RBM19: variants seen among roughly 807,000 people sequenced by gnomAD.
RBM19 encodes the protein RNA binding motif protein 19, also known as probable RNA-binding protein 19.
A neutral mutation model predicts 116.8 loss-of-function variants in RBM19; 94 were observed. The ratio of observed to expected loss-of-function variants is 0.80; its 90% CI spans 0.68 to 0.95. RBM19 has a LOEUF of 0.95. Among genes scored for constraint, RBM19 ranks in the 40% least tolerant of loss-of-function variants. The pLI, the probability that RBM19 is intolerant of heterozygous loss-of-function variation, is 0.00. For synonymous variants in RBM19, 475 were observed against 494.1 expected (o/e 0.96, Z 0.51); for missense variants, 1,161 against 1,220.7 (o/e 0.95, Z 0.73).
chr12:113,837,178 G>A (rs1030664157), intron 23 of RBM19, among the ~76,000 whole-genome samples: 1 of 124,854 alleles, frequency 8.0e-6, no homozygotes, highest in Admixed American at 8.3e-5. Context: ...TACACACACA[G>A]ACACACACAC....
intron 16 of RBM19, among the ~76,000 whole-genome samples, chr12:113,933,919 A>C (rs549654754): frequency 1.3e-5 from 2 of 152,226 alleles, no homozygotes; most frequent in East Asian, 3.9e-4. Context: ...GCCCATGGTG[A>C]GTTAAAGACT....
chr12:113,857,531 G>A (rs1316900658), intron 22 of RBM19, among the ~76,000 whole-genome samples: 4 of 152,260 alleles, frequency 2.6e-5, no homozygotes, highest in Non-Finnish European at 5.9e-5. Context: ...GCCCCGCTGT[G>A]AGGGTGAGGG....
At chr12:113,894,175 A>G (rs1448348862) in intron 21 of RBM19, among the ~76,000 whole-genome samples, 1 of 19,148 alleles carries the variant, frequency 5.2e-5, no homozygotes, top group South Asian at 2.8e-3. Context: ...AGGAGCACAC[A>G]CTTCAGAGGC....
At chr12:113,852,991 G>A (rs905783200) in intron 22 of RBM19, among the ~76,000 whole-genome samples, 4 of 152,218 alleles carry the variant, frequency 2.6e-5, no homozygotes, top group Non-Finnish European at 2.9e-5. Context: ...AGGCTGTCCC[G>A]GCCTTAATGA....
chr12:113,853,602 C>G (rs1295670721), intron 22 of RBM19, among the ~76,000 whole-genome samples: 2 of 152,186 alleles, frequency 1.3e-5, no homozygotes, highest in African/African-American at 4.8e-5. Flanking sequence ...CAGGACCAGC[C>G]CGGTCTGGGT....
chr12:113,874,412 C>T (rs574963090), intron 21 of RBM19, among the ~76,000 whole-genome samples: 1 of 152,324 alleles, frequency 6.6e-6, no homozygotes, highest in African/African-American at 2.4e-5. Context: ...CCTGCCCTGG[C>T]CATGCCAAAT....
chr12:113,868,468 T>C (rs953796281), intron 21 of RBM19, among the ~76,000 whole-genome samples: 4 of 152,264 alleles, frequency 2.6e-5, no homozygotes, highest in African/African-American at 9.6e-5. Context: ...AGATATTCTA[T>C]GTTTAAAGTC....
Position 113,920,725 on chromosome 12 carries a change from G to T in RBM19, c.2306-35C>A, listed in dbSNP as rs146568369. 7.9e-5 allele frequency: 126 copies of T among 1,588,776 alleles called. No homozygotes were observed. In the African/African-American group the frequency reaches 1.6e-3, roughly 20 times the overall value. On this transcript the variant is annotated intron_variant, in intron 18 of 23. Transcript: ENST00000261741. ...AGAGGTGGAAATCACACCAGTCGGT[G>T]AAGCGGAAGCACAAGGCCAAGTGCA...
intron 21 of RBM19, among the ~76,000 whole-genome samples, chr12:113,896,704 C>T (rs866355967): frequency 1.3e-5 from 2 of 152,070 alleles, no homozygotes; most frequent in African/African-American, 4.8e-5. Flanking sequence ...CCCTGGATAC[C>T]AATCCCAGCG....
At chr12:113,928,263 G>T (rs1267481621) in intron 16 of RBM19, among the ~76,000 whole-genome samples, 2 of 152,132 alleles carry the variant, frequency 1.3e-5, no homozygotes, top group Non-Finnish European at 2.9e-5. Flanking sequence ...CTCGAACCTG[G>T]GAGGCAGAGG....
chr12:113,942,294 T>C, intron 14 of RBM19, 30 bp downstream of exon 14: 1 of 1,571,984 alleles, frequency 6.4e-7, no homozygotes, highest in Non-Finnish European at 8.6e-7. Flanking sequence ...CAGTGGCTGC[T>C]GGCTGGCTGG....
chr12:113,862,215 A>G (rs1878455623), intron 21 of RBM19, among the ~76,000 whole-genome samples: 1 of 152,190 alleles, frequency 6.6e-6, no homozygotes, highest in Non-Finnish European at 1.5e-5. Context: ...TAAATACATC[A>G]TATCCATGCC....
chr12:113,935,940 G>GCAGGAGAATTGCTTCAACC (rs1227198675), intron 16 of RBM19, among the ~76,000 whole-genome samples: 16 of 152,118 alleles, frequency 1.1e-4, no homozygotes, highest in Non-Finnish European at 2.1e-4. Context: ...GGAGGCTGAG[G>GCAGGAGAATTGCTTCAACC]CAGGAGAATT....
intron 6 of RBM19, among the ~76,000 whole-genome samples, chr12:113,956,363 T>G (rs1464079227): frequency 6.6e-6 from 1 of 152,038 alleles, no homozygotes; most frequent in Non-Finnish European, 1.5e-5. Flanking sequence ...GGTTGATCAC[T>G]TGAGGCCAGG....
chr12:113,906,225 G>T (rs1228517917), intron 21 of RBM19, among the ~76,000 whole-genome samples: 2 of 152,156 alleles, frequency 1.3e-5, no homozygotes, highest in East Asian at 3.8e-4. Flanking sequence ...ATGCTCATTG[G>T]TAAAATGGGT....
chr12:113,822,887 C>T lies in RBM19; in HGVS notation c.*337G>A. 1 of 214,088 alleles carries T rather than the reference C, an allele frequency of 4.7e-6. No individual in the cohort carries two copies. Among genetic ancestry groups the T allele is most frequent in the Non-Finnish European group, 9.2e-6 (1 of 108,188 alleles). 13.3% of individuals were successfully genotyped at this position (214,088 alleles called of 1,614,324 possible). ...TCCCCTTACTCTCCTGGGGTGGGGA[C>T]AGGGGGAGCAGGGGTTCTAGCTCCC... On this transcript the variant is annotated 3_prime_UTR_variant, in exon 24 of 24. Transcript: ENST00000261741.
intron 23 of RBM19, among the ~76,000 whole-genome samples, chr12:113,827,190 A>C (rs1479461708): frequency 2.0e-5 from 3 of 152,198 alleles, no homozygotes; most frequent in African/African-American, 2.4e-5. Context: ...TAAAATAAAT[A>C]AACGAAACAA....
chr12:113,924,745 C>A lies in RBM19; in HGVS notation c.2257G>T (p.Val753Leu). ...ATGGAGCAGCTCTTCACTGTCCCCA[C>A]TTTTGAAAACACCTGGATAAGAAAG... ...EEKLKEVFSK[V>L]GTVKSCSISK... Residue 753 changes from valine (V) to leucine (L), a missense_variant, in exon 18 of 24, where the codon GTG (valine) becomes TTG (leucine). Val to Leu is a conservative substitution (Grantham distance 32). Coordinates refer to ENST00000261741, the MANE Select transcript of RBM19 (RefSeq NM_016196.4). The A allele has an allele frequency of 6.5e-7, 1 of 1,547,420 alleles. No homozygotes were observed. The highest frequency in any genetic ancestry group is 1.1e-5 in the South Asian group (1 of 89,670).
Position 113,957,780 on chromosome 12 carries a change from A to C in RBM19, c.840+2T>G, listed in dbSNP as rs1872091433. The C allele has an allele frequency of 6.3e-7, 1 of 1,577,848 alleles. No homozygotes were observed. Among genetic ancestry groups the C allele is most frequent in the Non-Finnish European group, 8.6e-7 (1 of 1,160,984 alleles). ...CTCATCACCTGCGGGATACACACGC[A>C]CCTCGGCTCTGGCCTCCGGTGGTCT... On this transcript the variant is annotated splice_donor_variant, in intron 6 of 23. Coordinates refer to ENST00000261741, the MANE Select transcript of RBM19 (RefSeq NM_016196.4). LOFTEE classifies it high-confidence loss of function.
Sources: gnomAD v4.1 joint callset for allele counts (sites outside exome capture counted in the v4.1 genomes callset) on GRCh38, gnomAD v4.1.1 for gene constraint, MANE v1.5 for transcripts, NCBI Gene and HGNC (gene_info 2026-07-23, HGNC 2026-07-21) for gene names.